KDM2A: variants seen among roughly 807,000 people sequenced by gnomAD.
KDM2A encodes the protein lysine demethylase 2A.
Under a neutral mutation model 137.3 loss-of-function variants are expected in KDM2A, and 3 were observed. That is an observed-to-expected ratio of 0.02 (90% CI 0.01 to 0.06). The LOEUF is 0.06. Ranked by LOEUF, KDM2A falls within the 10% of genes least tolerant of loss-of-function variation. The pLI, the probability that KDM2A is intolerant of heterozygous loss-of-function variation, is 1.00. For missense variants in KDM2A, 738 were observed against 1,510.6 expected, an observed-to-expected ratio of 0.49 and a Z score of 8.48; for synonymous variants, 512 against 541.5, an observed-to-expected ratio of 0.95 and a Z score of 0.76.
chr11:67,128,954 T>C (rs1284686891), intron 2 of KDM2A, among the ~76,000 whole-genome samples: 1 of 152,202 alleles, frequency 6.6e-6, no homozygotes, highest in Non-Finnish European at 1.5e-5. Flanking sequence ...GCAGTGGCTC[T>C]CACCTGTGGT....
At chr11:67,224,610 G>A (rs1858476052) in intron 10 of KDM2A, among the ~76,000 whole-genome samples, 1 of 151,076 alleles carries the variant, frequency 6.6e-6, no homozygotes. Context: ...TGGGGCTACA[G>A]GCACCCGCCA....
At chr11:67,247,037 TTATATA>T (rs59101290) in intron 15 of KDM2A, among the ~76,000 whole-genome samples, 2,009 of 32,994 alleles carry the variant, frequency 0.061, 128 homozygotes, top group Non-Finnish European at 0.081. Flanking sequence ...ATAAATTATT[TTATATA>T]TATATATATA....
Position 67,254,918 on chromosome 11 carries a change from A to G in KDM2A, c.3352A>G (p.Ile1118Val). Reference protein sequence around the residue: ...TDQTLIYLRRIANVTLIDLRG... With the variant: ...TDQTLIYLRRVANVTLIDLRG... Reference sequence around the variant, plus strand: ...CCAGACCCTGATCTACCTACGGCGCATTGCCAACGTCACCTTGATCGACCT... The same window carrying G: ...CCAGACCCTGATCTACCTACGGCGCGTTGCCAACGTCACCTTGATCGACCT... Residue 1118 changes from isoleucine (I) to valine (V), a missense_variant, in exon 21 of 21, where the codon ATT (isoleucine) becomes GTT (valine). Physicochemically the swap from Ile to Val is conservative, Grantham distance 29. Around this residue, in one of 9 missense-constraint regions of KDM2A, gnomAD observed 166 missense variants for 324.0 expected, o/e 0.51. Transcript: ENST00000529006. This position sits in a 1 kb window ranked among gnomAD's most constrained non-coding sequence, Gnocchi z 4.7. 1.2e-6 allele frequency: 2 copies of G among 1,614,032 alleles called. No homozygotes were observed. Among genetic ancestry groups the G allele is most frequent in the South Asian group, 2.2e-5 (2 of 91,084 alleles).
intron 2 of KDM2A, among the ~76,000 whole-genome samples, chr11:67,162,694 C>T (rs1856661014): frequency 6.6e-6 from 1 of 151,940 alleles, no homozygotes; most frequent in South Asian, 2.1e-4. Flanking sequence ...GCATGAGCCA[C>T]CGCGCCCGGC....
intron 2 of KDM2A, among the ~76,000 whole-genome samples, chr11:67,148,523 G>C (rs192946237): frequency 6.6e-6 from 1 of 152,022 alleles, no homozygotes; most frequent in Non-Finnish European, 1.5e-5. Context: ...TAATCCGGCC[G>C]GGCGTGGTGG....
At chr11:67,137,876 C>A (rs544453352) in intron 2 of KDM2A, among the ~76,000 whole-genome samples, 1 of 152,234 alleles carries the variant, frequency 6.6e-6, no homozygotes, top group Admixed American at 6.5e-5. Context: ...CGGCTCACTG[C>A]AACCTCTGCC....
At chr11:67,198,839 C>T (rs1224349252) in intron 5 of KDM2A, among the ~76,000 whole-genome samples, 1 of 151,868 alleles carries the variant, frequency 6.6e-6, no homozygotes, top group East Asian at 1.9e-4. Flanking sequence ...AATGCAGTGG[C>T]ACAATCTTGG....
chr11:67,218,716 T>C (rs1858243840), intron 9 of KDM2A, among the ~76,000 whole-genome samples: 2 of 152,172 alleles, frequency 1.3e-5, no homozygotes, highest in African/African-American at 4.8e-5. Flanking sequence ...GTTCAAGCAA[T>C]TCTCCTGTCT....
At chr11:67,214,735 G>A (rs538168726) in intron 6 of KDM2A, among the ~76,000 whole-genome samples, 1 of 152,198 alleles carries the variant, frequency 6.6e-6, no homozygotes, top group Admixed American at 6.5e-5. Context: ...GCCTTCCAAA[G>A]CTCTGGGATT....
intron 5 of KDM2A, among the ~76,000 whole-genome samples, 162 bp downstream of exon 5, chr11:67,182,054 C>T (rs139019872): frequency 1.3e-5 from 2 of 152,292 alleles, no homozygotes; most frequent in East Asian, 3.9e-4. Flanking sequence ...AAGAGAGTTA[C>T]AGAAGTTGCC....
chr11:67,153,813 C>CA (rs199567529), intron 2 of KDM2A, among the ~76,000 whole-genome samples: 2,392 of 79,326 alleles, frequency 0.03, 14 homozygotes, highest in South Asian at 0.065. Flanking sequence ...GACCCTGTCT[C>CA]AAAAAAAAAA....
intron 5 of KDM2A, among the ~76,000 whole-genome samples, chr11:67,184,489 G>A (rs1406357681): frequency 6.6e-6 from 1 of 152,130 alleles, no homozygotes. Context: ...TTAGCTGGGC[G>A]TGGTGGTGGG....
intron 2 of KDM2A, among the ~76,000 whole-genome samples, chr11:67,124,035 G>A (rs923226624): frequency 1.3e-5 from 2 of 151,546 alleles, no homozygotes; most frequent in Non-Finnish European, 2.9e-5. Context: ...ACTGAGTCTC[G>A]CTCTGTTGCC....
In KDM2A at chr11:67,132,311, T is replaced by C. The variant is rs189422727; in HGVS notation, c.42+10953T>C. On this transcript the variant is annotated intron_variant, in intron 2 of 20. Coordinates refer to ENST00000529006, the MANE Select transcript of KDM2A (RefSeq NM_012308.3). ...TTTTTTTTGTTTTTTGGATATGGAG[T>C]CTCACTGCGATGTCCAGGCTAGAGT... Among the ~76,000 whole-genome samples the C allele has an allele frequency of 1.2e-3, 184 of 152,152 alleles. 1 individual carries two copies. The highest frequency in any genetic ancestry group is 4.2e-3 in the African/African-American group (175 of 41,504).
At chr11:67,142,031 T>A (rs1197722764) in intron 2 of KDM2A, among the ~76,000 whole-genome samples, 3 of 152,018 alleles carry the variant, frequency 2.0e-5, no homozygotes, top group East Asian at 1.9e-4. Context: ...ATGGTATTTC[T>A]TTCATTCATT....
chr11:67,133,628 C>A (rs1057311459), intron 2 of KDM2A, among the ~76,000 whole-genome samples: 1 of 151,946 alleles, frequency 6.6e-6, no homozygotes, highest in African/African-American at 2.4e-5. Context: ...GTCTTGAACT[C>A]CTGACCTCAG....
chr11:67,157,850 A>C (rs1405291755), intron 2 of KDM2A, among the ~76,000 whole-genome samples: 1 of 152,076 alleles, frequency 6.6e-6, no homozygotes, highest in Non-Finnish European at 1.5e-5. Context: ...CTGTAGTCTC[A>C]GCTACTCCAG....
At position 67,217,604 on chromosome 11, in the gene KDM2A, A is replaced by T. The variant is rs1858208897; in HGVS notation, c.688-127A>T. ...AGGGTTTACCACATAGTCAAGTTCT[A>T]TAGGCTGGGAAAATTGCTTGCCTTT... is the stretch of plus-strand genomic sequence containing the variant. On this transcript the variant is annotated intron_variant, in intron 8 of 20. Coordinates refer to ENST00000529006, the MANE Select transcript of KDM2A (RefSeq NM_012308.3). 5.8e-6 allele frequency: 5 copies of T among 855,998 alleles called. No homozygotes were observed. In the Admixed American group the frequency reaches 1.1e-4, roughly 19 times the overall value. The allele number at this position is 855,998 out of a possible 1,614,324, so 53.0% of individuals were successfully genotyped here. A position where few individuals can be genotyped will look rare whatever the true frequency, so the allele number is the denominator to read the frequency against.
chr11:67,195,369 CAAAA>C, intron 5 of KDM2A, among the ~76,000 whole-genome samples: 1 of 65,224 alleles, frequency 1.5e-5, no homozygotes, highest in Non-Finnish European at 2.5e-5. Context: ...ACTCCGTCTC[CAAAA>C]AAAAAAAAAA....
Sources: gnomAD v4.1 joint callset for allele counts (sites outside exome capture counted in the v4.1 genomes callset) on GRCh38, gnomAD v4.1.1 for gene constraint, gnomAD v4.1.1 regional missense constraint, Gnocchi (gnomAD v3.1) non-coding constraint, MANE v1.5 for transcripts, NCBI Gene and HGNC (gene_info 2026-07-23, HGNC 2026-07-21) for gene names.